Variants in LRP1B observed in about 807,000 individuals in gnomAD.
The protein encoded by LRP1B is low-density lipoprotein receptor-related protein 1B.
A neutral mutation model predicts 556.6 loss-of-function variants in LRP1B; 217 were observed. The observed-to-expected ratio is 0.39, with a 90% CI of 0.35 to 0.44. LRP1B has a LOEUF of 0.44. Among genes scored for constraint, LRP1B ranks in the 20% least tolerant of loss-of-function variants. The probability of loss-of-function intolerance (pLI) is 1.00; values close to 1 mark genes in which losing one functional copy is unlikely to be tolerated. For missense variants in LRP1B, 5,053 were observed against 5,620.8 expected, an observed-to-expected ratio of 0.90 and a Z score of 3.23; for synonymous variants, 2,047 against 1,865.8, an observed-to-expected ratio of 1.10 and a Z score of -2.50.
intron 2 of LRP1B, among the ~76,000 whole-genome samples, chr2:141,517,269 C>CACACACACACAT (rs1559116790): frequency 6.6e-6 from 1 of 151,214 alleles, no homozygotes; most frequent in Non-Finnish European, 1.5e-5. Context: ...TACGCACACA[C>CACACACACACAT]ACAGACACAC....
chr2:141,110,276 A>G (rs940130609), intron 7 of LRP1B, among the ~76,000 whole-genome samples: 2 of 151,916 alleles, frequency 1.3e-5, no homozygotes, highest in Non-Finnish European at 2.9e-5. Context: ...ATTAATGTTA[A>G]TATCCATAGA....
At chr2:141,389,225 A>G (rs2104901955) in intron 3 of LRP1B, among the ~76,000 whole-genome samples, 1 of 152,312 alleles carries the variant, frequency 6.6e-6, no homozygotes, top group African/African-American at 2.4e-5. Flanking sequence ...TTCAACACTT[A>G]CAATAAAGCT....
At chr2:140,758,969 C>G (rs1688830118) in intron 35 of LRP1B, among the ~76,000 whole-genome samples, 1 of 151,982 alleles carries the variant, frequency 6.6e-6, no homozygotes, top group African/African-American at 2.4e-5. Context: ...AATTACTAGA[C>G]TGGATCATCA....
chr2:141,626,879 A>G (rs910406831), intron 2 of LRP1B, among the ~76,000 whole-genome samples: 1 of 152,236 alleles, frequency 6.6e-6, no homozygotes, highest in African/African-American at 2.4e-5. Context: ...ACTTTGGAAG[A>G]CAGTTTGCCA....
chr2:141,006,388 C>T (rs1232242840), intron 14 of LRP1B, among the ~76,000 whole-genome samples: 2 of 152,008 alleles, frequency 1.3e-5, no homozygotes, highest in Non-Finnish European at 2.9e-5. Context: ...CTCCTCCTAT[C>T]TAGCTGTAAC....
chr2:140,897,177 A>C (rs1255788595), intron 23 of LRP1B, among the ~76,000 whole-genome samples: 1 of 152,244 alleles, frequency 6.6e-6, no homozygotes, highest in African/African-American at 2.4e-5. Context: ...AACCAGATGG[A>C]AAATATAGCA....
chr2:140,521,113 T>A (rs1403911419), intron 49 of LRP1B, among the ~76,000 whole-genome samples: 1 of 152,000 alleles, frequency 6.6e-6, no homozygotes, highest in African/African-American at 2.4e-5. Context: ...GTATGCAACT[T>A]AGAAAACATA....
At chr2:141,890,633 C>G (rs150698244) in intron 1 of LRP1B, among the ~76,000 whole-genome samples, 1 of 151,830 alleles carries the variant, frequency 6.6e-6, no homozygotes, top group African/African-American at 2.4e-5. Context: ...AGGGCCCCGA[C>G]AGTCAATTAT....
chr2:141,689,214 G>A (rs1691424643), intron 2 of LRP1B, among the ~76,000 whole-genome samples: 1 of 151,730 alleles, frequency 6.6e-6, no homozygotes, highest in African/African-American at 2.4e-5. Context: ...ACTGTTCTGG[G>A]CATTTTGCAT....
chr2:141,753,816 T>C (rs1694223385), intron 2 of LRP1B, among the ~76,000 whole-genome samples: 1 of 152,154 alleles, frequency 6.6e-6, no homozygotes, highest in Non-Finnish European at 1.5e-5. Flanking sequence ...TCATAGTACT[T>C]TTCCTTAAAT....
At chr2:140,909,881 G>C (rs572848351) in intron 21 of LRP1B, among the ~76,000 whole-genome samples, 2 of 150,856 alleles carry the variant, frequency 1.3e-5, no homozygotes, top group African/African-American at 4.8e-5. Flanking sequence ...TGTATTTTGG[G>C]TTAAAATGTA....
rs528139882 is a variant in LRP1B at position 141,923,524 on chromosome 2, A to C, written c.83-113123T>G. Among the ~76,000 whole-genome samples, 10 of 145,378 alleles carry C rather than the reference A, an allele frequency of 6.9e-5. No homozygotes were observed. The East Asian group carries it at 2.0e-3, about 30-fold the overall frequency. ...GGGAGGGGGAGAGAGAGAGAGAGAG[A>C]AAGTAAGTATATGTCTGTATTTCAG... On this transcript the variant is annotated intron_variant, in intron 1 of 90. Transcript: ENST00000389484.
intron 2 of LRP1B, among the ~76,000 whole-genome samples, chr2:141,753,831 A>AT (rs1312541856): frequency 2.0e-5 from 3 of 152,040 alleles, no homozygotes; most frequent in Admixed American, 2.0e-4. Flanking sequence ...TTAAATAAAT[A>AT]TTTTTTACTC....
chr2:141,810,136 AG>A (rs879008958), intron 2 of LRP1B, 142 bp downstream of exon 2: 1 of 483,502 alleles, frequency 2.1e-6, no homozygotes, highest in Non-Finnish European at 3.4e-6. Context: ...AAAGAAAGAA[AG>A]AAAGAAAGAA....
chr2:140,411,969 G>T (rs73964215), intron 66 of LRP1B, among the ~76,000 whole-genome samples: 4,583 of 152,114 alleles, frequency 0.03, 222 homozygotes, highest in African/African-American at 0.1. Context: ...TACAATTTCT[G>T]TTATTGGCTT....
At chr2:140,312,180 G>A (rs1201550295) in intron 83 of LRP1B, among the ~76,000 whole-genome samples, 1 of 151,932 alleles carries the variant, frequency 6.6e-6, no homozygotes, top group East Asian at 1.9e-4. Flanking sequence ...ATTCAAATGT[G>A]TGCCCACCAT....
chr2:140,339,007 A>G (rs1454440199), intron 77 of LRP1B, among the ~76,000 whole-genome samples: 4 of 151,800 alleles, frequency 2.6e-5, no homozygotes, highest in Non-Finnish European at 4.4e-5. Flanking sequence ...CTTGTTGCAC[A>G]GAGTGGAAGA....
chr2:141,587,215 A>G (rs1164864825), intron 2 of LRP1B, among the ~76,000 whole-genome samples: 2 of 152,168 alleles, frequency 1.3e-5, no homozygotes, highest in Non-Finnish European at 2.9e-5. Context: ...GTGTCATCTA[A>G]CCCCTTTCTC....
chr2:141,168,949 T>A (rs1269129634), intron 7 of LRP1B, among the ~76,000 whole-genome samples: 1 of 152,032 alleles, frequency 6.6e-6, no homozygotes. Flanking sequence ...AAGGGTGTTT[T>A]TTTTGTCATA....
Sources: gnomAD v4.1 joint callset for allele counts (sites outside exome capture counted in the v4.1 genomes callset) on GRCh38, gnomAD v4.1.1 for gene constraint, MANE v1.5 for transcripts, NCBI Gene and HGNC (gene_info 2026-07-23, HGNC 2026-07-21) for gene names.